The following CHODL variants were observed in gnomAD, a reference collection of about 807,000 sequenced individuals.
The protein encoded by CHODL is transmembrane protein MT75.
CHODL carries 29 observed loss-of-function variants against 34.5 expected under a neutral mutation model. The ratio of observed to expected loss-of-function variants is 0.84; its 90% CI spans 0.63 to 1.15. The LOEUF is 1.15. Among genes scored for constraint, CHODL ranks in the 50% most tolerant of loss-of-function variants. The probability of loss-of-function intolerance (pLI) is 0.00; values close to 1 mark genes in which losing one functional copy is unlikely to be tolerated. For synonymous variants in CHODL, 125 were observed against 116.1 expected, an observed-to-expected ratio of 1.08 and a Z score of -0.49; for missense variants, 332 against 332.5, an observed-to-expected ratio of 1.00 and a Z score of 0.01.
chr21:18,074,417 C>T (rs1290534576), intron 2 of CHODL, among the ~76,000 whole-genome samples: 1 of 152,072 alleles, frequency 6.6e-6, no homozygotes, highest in East Asian at 1.9e-4. Context: ...TTCTGAAGAA[C>T]ATTACACAGG....
At position 18,037,925 on chromosome 21, in the gene CHODL, T is replaced by C. The variant is rs185331779; in HGVS notation, c.-45+9954T>C. On this transcript the variant is annotated intron_variant, in intron 2 of 6. Coordinates refer to the CHODL transcript ENST00000400127. ...CATTGTTTTTGATAAGAAAACTGTT[T>C]GCATTCTTACCTTTGTTTCCCTGCA... 1.7e-3 allele frequency among the ~76,000 whole-genome samples: 252 copies of C among 151,960 alleles called. 2 individuals carry two copies. Among genetic ancestry groups the C allele is most frequent in the Non-Finnish European group, 9.3e-4 (63 of 67,808 alleles).
intron 1 of CHODL, among the ~76,000 whole-genome samples, chr21:17,963,659 A>C (rs1041264161): frequency 9.2e-5 from 14 of 152,222 alleles, no homozygotes; most frequent in African/African-American, 3.4e-4. Flanking sequence ...ACTACAATTC[A>C]AGATGAGATT....
chr21:18,208,171 CT>C (rs113821427), intron 2 of CHODL, among the ~76,000 whole-genome samples: 121 of 142,850 alleles, frequency 8.5e-4, no homozygotes, highest in Middle Eastern at 3.6e-3. Flanking sequence ...TCTTCTTCTT[CT>C]TTTTTTTTTT....
At chr21:18,177,322 T>G (rs908906610) in intron 2 of CHODL, among the ~76,000 whole-genome samples, 2 of 152,140 alleles carry the variant, frequency 1.3e-5, no homozygotes, top group Non-Finnish European at 2.9e-5. Flanking sequence ...TTTAACATTC[T>G]TAAACAGCAA....
intron 1 of CHODL, among the ~76,000 whole-genome samples, chr21:17,951,288 A>G (rs1403266582): frequency 6.6e-6 from 1 of 152,144 alleles, no homozygotes; most frequent in Non-Finnish European, 1.5e-5. Flanking sequence ...TTGATCTATT[A>G]AAATCTGCAT....
chr21:18,160,170 G>A (rs1025672013), intron 2 of CHODL, among the ~76,000 whole-genome samples: 1 of 133,996 alleles, frequency 7.5e-6, no homozygotes, highest in Non-Finnish European at 1.7e-5. Context: ...TCACAGATGG[G>A]AAATTAATGT....
chr21:18,122,490 T>C (rs764047474), intron 2 of CHODL, among the ~76,000 whole-genome samples: 1 of 152,162 alleles, frequency 6.6e-6, no homozygotes, highest in South Asian at 2.1e-4. Flanking sequence ...TTAAAAGCTG[T>C]GACAATGTCT....
chr21:18,144,482 A>T (rs542202980), intron 2 of CHODL, among the ~76,000 whole-genome samples: 3 of 152,250 alleles, frequency 2.0e-5, no homozygotes, highest in African/African-American at 7.2e-5. Flanking sequence ...ACCGGTGTGC[A>T]TGTCACTTGT....
At chr21:18,059,670 A>G (rs1264405252) in intron 2 of CHODL, among the ~76,000 whole-genome samples, 1 of 152,016 alleles carries the variant, frequency 6.6e-6, no homozygotes, top group Admixed American at 6.6e-5. Flanking sequence ...AATAGGGCCC[A>G]GTGTGAGTTG....
intron 1 of CHODL, among the ~76,000 whole-genome samples, chr21:17,940,195 A>G (rs961203272): frequency 1.3e-5 from 2 of 152,222 alleles, no homozygotes; most frequent in Non-Finnish European, 2.9e-5. Flanking sequence ...ACTTCTAGAT[A>G]AAAACCCAAC....
In CHODL at chr21:18,249,106, A is replaced by T. The variant is rs1054602209; in HGVS notation, c.79+3804A>T. Among the ~76,000 whole-genome samples, 146 of 127,356 alleles carry T rather than the reference A, an allele frequency of 1.1e-3. 1 individual carries two copies. The highest frequency in any genetic ancestry group is 1.5e-3 in the Non-Finnish European group (96 of 63,834). 83.6% of individuals were successfully genotyped at this position (127,356 alleles called of 152,430 possible). On this transcript the variant is annotated intron_variant, in intron 1 of 5. Coordinates refer to ENST00000299295, the MANE Select transcript of CHODL (RefSeq NM_024944.3). ...ATATAATAAAATATATATATATAAT[A>T]ATATATATATAATAAAATACATATA...
At chr21:17,924,287 C>T (rs755454514) in intron 1 of CHODL, among the ~76,000 whole-genome samples, 13 of 152,218 alleles carry the variant, frequency 8.5e-5, no homozygotes, top group Non-Finnish European at 1.6e-4. Context: ...GAGAAATGGG[C>T]AGCCAGAAGC....
At chr21:17,964,592 T>C (rs183228070) in intron 1 of CHODL, among the ~76,000 whole-genome samples, 244 of 152,348 alleles carry the variant, frequency 1.6e-3, no homozygotes, top group African/African-American at 5.6e-3. Context: ...GTATTTGTTT[T>C]AGAAAGGTTT....
At chr21:18,070,175 A>G (rs1331449633) in intron 2 of CHODL, among the ~76,000 whole-genome samples, 6 of 151,836 alleles carry the variant, frequency 4.0e-5, no homozygotes, top group African/African-American at 1.5e-4. Flanking sequence ...CATCACCACT[A>G]AAGAACTTAC....
intron 2 of CHODL, among the ~76,000 whole-genome samples, chr21:18,111,088 T>C (rs1233039269): frequency 6.6e-6 from 1 of 152,174 alleles, no homozygotes; most frequent in Non-Finnish European, 1.5e-5. Context: ...CAGACTTCTA[T>C]TGAGTTTTCA....
chr21:18,263,900 C>T (rs1315682512), intron 5 of CHODL, among the ~76,000 whole-genome samples: 6 of 140,392 alleles, frequency 4.3e-5, no homozygotes, highest in African/African-American at 1.1e-4. Context: ...ACATTAATAA[C>T]CTTTTTTTTT....
intron 1 of CHODL, among the ~76,000 whole-genome samples, chr21:17,969,642 G>A (rs530718173): frequency 1.2e-4 from 18 of 152,288 alleles, no homozygotes; most frequent in Admixed American, 1.1e-3. Flanking sequence ...CAATTATTTT[G>A]TGAGCAGTTT....
intron 2 of CHODL, among the ~76,000 whole-genome samples, chr21:18,110,386 C>A (rs2065333491): frequency 6.6e-6 from 1 of 152,136 alleles, no homozygotes; most frequent in South Asian, 2.1e-4. Flanking sequence ...TTGTCACCAA[C>A]AGAATGCAGC....
intron 1 of CHODL, among the ~76,000 whole-genome samples, chr21:17,996,208 G>T (rs8130586): frequency 0.04 from 6,065 of 152,102 alleles, 137 homozygotes; most frequent in South Asian, 0.091. Context: ...TTTTTGATAA[G>T]ATCAAATACC....
Sources: allele counts gnomAD v4.1 joint callset (sites outside exome capture counted in the v4.1 genomes callset), GRCh38; gene constraint gnomAD v4.1.1; transcripts MANE v1.5; gene names NCBI Gene and HGNC (gene_info 2026-07-23, HGNC 2026-07-21).